The following BMPR1B variants were observed in gnomAD, a reference collection of about 807,000 sequenced individuals.
BMPR1B encodes bone morphogenetic protein receptor type-1B.
BMPR1B carries 12 observed loss-of-function variants against 59.1 expected under a neutral mutation model. The ratio of observed to expected loss-of-function variants is 0.20; its 90% CI spans 0.13 to 0.33. BMPR1B has a LOEUF of 0.33. BMPR1B is among the 10% of genes least tolerant of loss of function. BMPR1B has a pLI of 1.00. For synonymous variants in BMPR1B, 237 were observed against 207.3 expected (o/e 1.14, Z -1.23); for missense variants, 550 against 610.9 (o/e 0.90, Z 1.05).
At position 94,859,218 on chromosome 4, in the gene BMPR1B, G is replaced by GT. The variant is rs1286974334; in HGVS notation, c.-182-16612dup. On this transcript the variant is annotated intron_variant, in intron 1 of 12. Coordinates refer to ENST00000515059, the MANE Select transcript of BMPR1B (RefSeq NM_001203.3). ...TATGTTAGAATGGGTAGTATTCACT[G>GT]TAAGTTGTAAAGTGAAGTTGAAAGA... Among the ~76,000 whole-genome samples, 68 of 152,110 alleles carry GT rather than the reference G, an allele frequency of 4.5e-4. 1 individual carries two copies. Among genetic ancestry groups the GT allele is most frequent in the African/African-American group, 1.6e-3 (66 of 41,436 alleles).
chr4:94,823,904 C>T (rs1031706402), intron 1 of BMPR1B, among the ~76,000 whole-genome samples: 8 of 152,070 alleles, frequency 5.3e-5, no homozygotes, highest in South Asian at 2.1e-4. Flanking sequence ...CCTGCCACCA[C>T]GCCTGGCTAA....
chr4:95,011,199 A>G (rs943615364), intron 3 of BMPR1B, among the ~76,000 whole-genome samples: 7 of 151,974 alleles, frequency 4.6e-5, no homozygotes, highest in Admixed American at 3.3e-4. Flanking sequence ...GATTAAGCCC[A>G]GTCCCCAATA....
rs149072671 is a variant in BMPR1B at position 94,818,445 on chromosome 4, A to G, written c.-182-57386A>G. Reference sequence around the variant, plus strand: ...GAGGGTTACACAACTGGTTTGAGGCAGAGCTGCATCTTGCTGGTATAGTTT... The same window carrying G: ...GAGGGTTACACAACTGGTTTGAGGCGGAGCTGCATCTTGCTGGTATAGTTT... On this transcript the variant is annotated intron_variant, in intron 1 of 12. Transcript: ENST00000515059. Among the ~76,000 whole-genome samples, 10 of 152,318 alleles carry G rather than the reference A, an allele frequency of 6.6e-5. No homozygotes were observed. The East Asian group carries it at 1.4e-3, about 21-fold the overall frequency.
In BMPR1B at chr4:94,911,679, G is replaced by T. The variant is rs145139487; in HGVS notation, c.-113+35779G>T. On this transcript the variant is annotated intron_variant, in intron 2 of 12. Transcript: ENST00000515059. Reference sequence around the variant, plus strand: ...TGCACAAGTGAATGTAAATTAAGCCGTGATAACTGATATCTCAAAGTTGGA... The same window carrying T: ...TGCACAAGTGAATGTAAATTAAGCCTTGATAACTGATATCTCAAAGTTGGA... Among the ~76,000 whole-genome samples the T allele has an allele frequency of 7.3e-3, 1,117 of 152,230 alleles. 12 individuals carry two copies. The highest frequency in any genetic ancestry group is 7.8e-3 in the Non-Finnish European group (533 of 68,008).
chr4:95,119,412 G>T (rs1732311391), intron 6 of BMPR1B, among the ~76,000 whole-genome samples: 1 of 152,080 alleles, frequency 6.6e-6, no homozygotes, highest in Non-Finnish European at 1.5e-5. Context: ...AGGGAGGAAT[G>T]GAGGAAAAAA....
chr4:94,859,332 G>A (rs1056797795), intron 1 of BMPR1B, among the ~76,000 whole-genome samples: 7 of 152,030 alleles, frequency 4.6e-5, no homozygotes, highest in Non-Finnish European at 8.8e-5. Flanking sequence ...ATTTTAAAAC[G>A]CTTTCCATCT....
At chr4:94,931,399 ACT>A (rs1729088251) in intron 2 of BMPR1B, among the ~76,000 whole-genome samples, 1 of 151,962 alleles carries the variant, frequency 6.6e-6, no homozygotes, top group African/African-American at 2.4e-5. Flanking sequence ...GTGAATATTA[ACT>A]CTGTGATTGA....
intron 2 of BMPR1B, among the ~76,000 whole-genome samples, chr4:94,907,163 T>G (rs1291945890): frequency 6.6e-6 from 1 of 152,048 alleles, no homozygotes; most frequent in Non-Finnish European, 1.5e-5. Flanking sequence ...ATTTTGGAGG[T>G]GGTAGCTGGA....
At chr4:94,819,183 A>T (rs1247959387) in intron 1 of BMPR1B, among the ~76,000 whole-genome samples, 1 of 151,964 alleles carries the variant, frequency 6.6e-6, no homozygotes, top group African/African-American at 2.4e-5. Context: ...TTTGGGTCAG[A>T]GCATACAGAT....
chr4:95,051,708 G>A lies in BMPR1B; in HGVS notation c.-17-52700G>A, dbSNP rs559432654. On this transcript the variant is annotated intron_variant, in intron 3 of 12. Transcript: ENST00000515059. Reference sequence around the variant, plus strand: ...ACTGCTCTGCTGCTGCAATGGGTTGGCTGGAAGAACTAAACTGGCAGCTTC... The same window carrying A: ...ACTGCTCTGCTGCTGCAATGGGTTGACTGGAAGAACTAAACTGGCAGCTTC... 32 of 1,535,588 alleles carry A rather than the reference G, an allele frequency of 2.1e-5. No homozygotes were observed. The South Asian group carries it at 3.3e-4, about 16-fold the overall frequency.
intron 2 of BMPR1B, among the ~76,000 whole-genome samples, chr4:94,975,510 G>T (rs2149081750): frequency 6.6e-6 from 1 of 151,214 alleles, no homozygotes; most frequent in South Asian, 2.1e-4. Context: ...CTACAGGCAT[G>T]CGCCACCATG....
At chr4:95,060,958 G>A (rs927841939) in intron 3 of BMPR1B, among the ~76,000 whole-genome samples, 3 of 151,996 alleles carry the variant, frequency 2.0e-5, no homozygotes, top group African/African-American at 4.8e-5. Flanking sequence ...GAGTTCCCGG[G>A]CAATATGGAA....
chr4:94,937,727 C>CACACACACACAG (rs1438951975), intron 2 of BMPR1B, among the ~76,000 whole-genome samples: 1 of 141,710 alleles, frequency 7.1e-6, no homozygotes. Context: ...CAGACACACA[C>CACACACACACAG]ACACACACAC....
intron 1 of BMPR1B, among the ~76,000 whole-genome samples, chr4:94,857,948 AT>A (rs1725826840): frequency 6.9e-6 from 1 of 145,830 alleles, no homozygotes. Flanking sequence ...TTTTATTTTT[AT>A]TTTTTTATTT....
At chr4:94,801,977 T>G (rs1271312638) in intron 1 of BMPR1B, among the ~76,000 whole-genome samples, 1 of 152,252 alleles carries the variant, frequency 6.6e-6, no homozygotes, top group African/African-American at 2.4e-5. Context: ...TTATTTATTC[T>G]AAGGATTCTG....
intron 2 of BMPR1B, among the ~76,000 whole-genome samples, chr4:94,917,922 G>C (rs920475839): frequency 6.6e-6 from 1 of 152,132 alleles, no homozygotes; most frequent in Non-Finnish European, 1.5e-5. Flanking sequence ...CTGTCTTCCT[G>C]ATAGTGAGTT....
chr4:95,040,129 G>A (rs1387221975), intron 3 of BMPR1B, among the ~76,000 whole-genome samples: 1 of 151,938 alleles, frequency 6.6e-6, no homozygotes, highest in Non-Finnish European at 1.5e-5. Flanking sequence ...TGGTATACAA[G>A]AACAAAATTT....
At chr4:95,022,424 T>G (rs1048712732) in intron 3 of BMPR1B, among the ~76,000 whole-genome samples, 3 of 152,214 alleles carry the variant, frequency 2.0e-5, no homozygotes, top group African/African-American at 7.2e-5. Flanking sequence ...AGTGTGTGCT[T>G]CTTTTTGAAT....
At chr4:94,849,984 C>G (rs1725507570) in intron 1 of BMPR1B, among the ~76,000 whole-genome samples, 1 of 152,058 alleles carries the variant, frequency 6.6e-6, no homozygotes, top group Admixed American at 6.6e-5. Context: ...TATTAGAAAC[C>G]TACAGTGCTT....
Sources: allele counts gnomAD v4.1 joint callset (sites outside exome capture counted in the v4.1 genomes callset), GRCh38; gene constraint gnomAD v4.1.1; transcripts MANE v1.5; gene names NCBI Gene and HGNC (gene_info 2026-07-23, HGNC 2026-07-21).